The following SEMA4B variants were observed in gnomAD, a reference collection of about 807,000 sequenced individuals.
SEMA4B encodes the protein semaphorin 4B.
A neutral mutation model predicts 88.1 loss-of-function variants in SEMA4B; 55 were observed. The observed-to-expected ratio is 0.62, with a 90% CI of 0.50 to 0.78. SEMA4B has a LOEUF of 0.78. Among genes scored for constraint, SEMA4B ranks in the 30% least tolerant of loss-of-function variants. The probability of loss-of-function intolerance (pLI) is 0.00; values close to 1 mark genes in which losing one functional copy is unlikely to be tolerated. For synonymous variants in SEMA4B, 525 were observed against 473.6 expected (o/e 1.11, Z -1.41); for missense variants, 1,062 against 1,111.9 (o/e 0.96, Z 0.64).
intron 1 of SEMA4B, among the ~76,000 whole-genome samples, chr15:90,195,086 A>G (rs902297767): frequency 1.2e-4 from 18 of 151,206 alleles, no homozygotes; most frequent in African/African-American, 4.1e-4. Flanking sequence ...ATCAAGGTTC[A>G]CACGTTGCTA....
chr15:90,221,684 C>G lies in SEMA4B; in HGVS notation c.780C>G (p.Ile260Met). 6.2e-7 allele frequency: 1 copy of G among 1,614,040 alleles called. No individual in the cohort carries two copies. The highest frequency in any genetic ancestry group is 8.5e-7 in the Non-Finnish European group (1 of 1,179,908). ...LGSLQGDDDK[I>M]YFFFSETGQE... ...GCTTGCAAGGCGATGATGACAAGAT[C>G]TACTTTTTCTTCAGCGAGACTGGCC... Residue 260 changes from isoleucine (I) to methionine (M), a missense_variant, in exon 7 of 14, where the codon ATC becomes ATG. Coordinates refer to ENST00000411539, the MANE Select transcript of SEMA4B (RefSeq NM_198925.4).
chr15:90,215,661 A>C (rs1961499555), intron 1 of SEMA4B, among the ~76,000 whole-genome samples: 5 of 151,896 alleles, frequency 3.3e-5, no homozygotes, highest in Non-Finnish European at 7.4e-5. Flanking sequence ...AAAATACAAA[A>C]GTTAGCCGGG....
chr15:90,201,280 G>A (rs1204050805), upstream of SEMA4B: 3 of 1,097,362 alleles, frequency 2.7e-6, no homozygotes, highest in Non-Finnish European at 3.3e-6. Flanking sequence ...GGAAGGGGGC[G>A]GGCCGGCCGG....
upstream of SEMA4B, among the ~76,000 whole-genome samples, chr15:90,200,892 T>C (rs1960679010): frequency 6.6e-6 from 1 of 152,084 alleles, no homozygotes; most frequent in Admixed American, 6.6e-5. Context: ...CTAGCCCCAG[T>C]GTCAGCACGA....
intron 1 of SEMA4B, chr15:90,206,568 C>T (rs1436530762): frequency 2.2e-5 from 11 of 510,288 alleles, no homozygotes; most frequent in Non-Finnish European, 4.0e-5. Flanking sequence ...TAACCCACTG[C>T]CATGGCCGAG....
At chr15:90,184,956 C>A, upstream of SEMA4B, 1 of 985,966 alleles carries the variant, frequency 1.0e-6, no homozygotes, top group Non-Finnish European at 1.2e-6. Flanking sequence ...AGGCTGTGCG[C>A]CCGAGACTCC....
Position 90,217,488 on chromosome 15 carries a change from C to T in SEMA4B, c.207C>T (p.Asn69=). The change falls in exon 2 of 14, where the codon AAC becomes AAT. Residue 69 remains asparagine (N), a synonymous_variant. Coordinates refer to ENST00000411539, the MANE Select transcript of SEMA4B (RefSeq NM_198925.4). The stretch of plus-strand genomic sequence containing the variant: ...GATTCGAAGCTGAACACATCTCCAA[C>T]TACACAGCCCTTCTGCTGAGCAGGG... ...FLRFEAEHIS[N]YTALLLSRDG... 6.2e-7 allele frequency: 1 copy of T among 1,614,000 alleles called. No individual in the cohort carries two copies.
intron 1 of SEMA4B, among the ~76,000 whole-genome samples, chr15:90,188,515 C>G (rs996694755): frequency 9.2e-5 from 14 of 151,882 alleles, no homozygotes; most frequent in South Asian, 4.2e-4. Context: ...GTAATCCCAG[C>G]TACCCGGGAG....
chr15:90,213,153 TAAC>T (rs909321752), intron 1 of SEMA4B, among the ~76,000 whole-genome samples: 1 of 152,246 alleles, frequency 6.6e-6, no homozygotes, highest in Non-Finnish European at 1.5e-5. Context: ...TTTTTTCTAA[TAAC>T]AACCCCATGA....
intron 1 of SEMA4B, among the ~76,000 whole-genome samples, chr15:90,187,538 ATAATGAGGTCC>A (rs1162475825): frequency 2.6e-5 from 4 of 152,232 alleles, no homozygotes; most frequent in African/African-American, 4.8e-5. Context: ...TCACTGCAGC[ATAATGAGGTCC>A]TAATAAGAAT....
chr15:90,218,846 A>T (rs1380410439), intron 3 of SEMA4B, among the ~76,000 whole-genome samples: 1 of 152,180 alleles, frequency 6.6e-6, no homozygotes, highest in Admixed American at 6.5e-5. Context: ...TACAAATGTT[A>T]TTGGCGGGGC....
At chr15:90,208,051 C>T (rs536514014) in intron 1 of SEMA4B, among the ~76,000 whole-genome samples, 4 of 152,106 alleles carry the variant, frequency 2.6e-5, no homozygotes, top group Admixed American at 6.5e-5. Context: ...TCAGGAGTTT[C>T]GAGACCAGCC....
Position 90,225,089 on chromosome 15 carries a change from T to C in SEMA4B, c.1316T>C (p.Leu439Pro). The C allele has an allele frequency of 6.2e-7, 1 of 1,613,810 alleles. No individual in the cohort carries two copies. The highest frequency in any genetic ancestry group is 1.1e-5 in the South Asian group (1 of 91,080). ...GGGCAGGTCCGAAGCCGCATGCTGC[T>C]GCTGCAGCCCCAGGCTCGCTACCAG... ...MDGQVRSRML[L>P]LQPQARYQRV... is the part of the protein sequence containing the mutation. The change falls in exon 10 of 14, where the codon CTG (leucine) becomes CCG (proline). Residue 439 changes from leucine (L) to proline (P), a missense_variant. By Grantham distance (98) the Leu-to-Pro change is moderately conservative (BLOSUM62 -3). Transcript: ENST00000411539.
chr15:90,220,236 A>G (rs1401625097), intron 4 of SEMA4B: 1 of 227,302 alleles, frequency 4.4e-6, no homozygotes, highest in Non-Finnish European at 8.5e-6. Flanking sequence ...CTCAGCACAC[A>G]CCCCTAGCAG....
chr15:90,223,448 T>G (rs1400643765), intron 7 of SEMA4B, 111 bp from the exon 8 acceptor site: 3 of 952,522 alleles, frequency 3.1e-6, no homozygotes, highest in Non-Finnish European at 3.0e-6. Context: ...GGCCTTCTCC[T>G]GCCCTTCAGT....
At chr15:90,222,519 G>A (rs976333308) in intron 7 of SEMA4B, among the ~76,000 whole-genome samples, 11 of 151,796 alleles carry the variant, frequency 7.2e-5, no homozygotes, top group Middle Eastern at 3.4e-3. Context: ...GCAGTGAGCC[G>A]AGATGGTGCC....
At chr15:90,217,853 C>A (rs779470513) in intron 3 of SEMA4B, 24 bp downstream of exon 3, 10 of 1,600,446 alleles carry the variant, frequency 6.2e-6, no homozygotes, top group Non-Finnish European at 8.5e-6. Context: ...TGGAAGGGAG[C>A]TGAGCTGCAG....
chr15:90,218,075 G>A, intron 3 of SEMA4B: 2 of 484,366 alleles, frequency 4.1e-6, no homozygotes, highest in Non-Finnish European at 3.8e-6. Flanking sequence ...TAATGATCCG[G>A]TCTCACTGGG....
At chr15:90,226,330 T>C (rs899700742) in intron 12 of SEMA4B, among the ~76,000 whole-genome samples, 11 of 152,214 alleles carry the variant, frequency 7.2e-5, no homozygotes, top group Non-Finnish European at 1.0e-4. Flanking sequence ...AAAATCCTTT[T>C]ATTTTATTTC....
Sources: gnomAD v4.1 joint callset for allele counts (sites outside exome capture counted in the v4.1 genomes callset) on GRCh38, gnomAD v4.1.1 for gene constraint, MANE v1.5 for transcripts, NCBI Gene and HGNC (gene_info 2026-07-23, HGNC 2026-07-21) for gene names.